ADAD1: variants seen among roughly 807,000 people sequenced by gnomAD.
The protein encoded by ADAD1 is adenosine deaminase domain-containing protein 1.
ADAD1 carries 46 observed loss-of-function variants against 66.8 expected under a neutral mutation model. That is an observed-to-expected ratio of 0.69 (90% CI 0.54 to 0.88). The LOEUF is 0.88. ADAD1 is among the 40% of genes least tolerant of loss of function. The pLI is 0.00. For synonymous variants in ADAD1, 248 were observed against 229.4 expected, an observed-to-expected ratio of 1.08 and a Z score of -0.73; for missense variants, 617 against 681.8, an observed-to-expected ratio of 0.91 and a Z score of 1.06.
chr4:122,411,146 C>A, intron 8 of ADAD1, 76 bp from the exon 9 acceptor site: 1 of 1,171,238 alleles, frequency 8.5e-7, no homozygotes. Context: ...GCTTCTGACA[C>A]ATGTGGACAT....
At chr4:122,411,187 T>G in intron 8 of ADAD1, 35 bp from the exon 9 acceptor site, 1 of 1,494,192 alleles carries the variant, frequency 6.7e-7, no homozygotes, top group Admixed American at 2.1e-5. Flanking sequence ...TTTTATAAAG[T>G]TTATTACTTG....
chr4:122,428,900 T>C (rs1388108640), intron 12 of ADAD1, among the ~76,000 whole-genome samples: 1 of 152,184 alleles, frequency 6.6e-6, no homozygotes, highest in African/African-American at 2.4e-5. Context: ...TTTCATGGTA[T>C]GTAAATTGTA....
chr4:122,395,036 A>G (rs1795630235), intron 6 of ADAD1, among the ~76,000 whole-genome samples: 1 of 152,040 alleles, frequency 6.6e-6, no homozygotes, highest in Admixed American at 6.5e-5. Flanking sequence ...GGTTTGCTAT[A>G]TATATGTGTG....
intron 7 of ADAD1, among the ~76,000 whole-genome samples, chr4:122,402,834 A>T (rs1363807465): frequency 6.6e-6 from 1 of 152,130 alleles, no homozygotes; most frequent in Non-Finnish European, 1.5e-5. Flanking sequence ...TGTCTTTTCC[A>T]GAAGTCATGA....
In ADAD1 at chr4:122,421,227, A is replaced by G. The variant is rs976658331; in HGVS notation, c.1488-34A>G. 10 of 1,478,156 alleles carry G rather than the reference A, an allele frequency of 6.8e-6. No individual in the cohort carries two copies. The African/African-American group carries it at 1.3e-4, about 19-fold the overall frequency. 91.6% of individuals were successfully genotyped at this position (1,478,156 alleles called of 1,614,324 possible). The stretch of plus-strand genomic sequence containing the variant: ...AATTGCCAACATAAATTACTGAAAA[A>G]GAAATTTAAAAAATTTTATTTCTCT... On this transcript the variant is annotated intron_variant, in intron 11 of 12. Coordinates refer to ENST00000296513, the MANE Select transcript of ADAD1 (RefSeq NM_139243.4).
Position 122,412,865 on chromosome 4 carries a change from AT to A in ADAD1, c.1249+60del, listed in dbSNP as rs1796530081. On this transcript the variant is annotated intron_variant, in intron 10 of 12. Coordinates refer to ENST00000296513, the MANE Select transcript of ADAD1 (RefSeq NM_139243.4). ...CTCACTCACTAAGCAAATTCTCTGT[AT>A]TTTACTTATCAGTATAAAATTAGTT... 4.2e-6 allele frequency: 6 copies of A among 1,427,044 alleles called. No homozygotes were observed. The East Asian group carries it at 1.1e-4, about 27-fold the overall frequency. The allele number at this position is 1,427,044 out of a possible 1,614,324, so 88.4% of individuals were successfully genotyped here.
chr4:122,417,598 G>A (rs1362914152), intron 11 of ADAD1, among the ~76,000 whole-genome samples: 1 of 152,124 alleles, frequency 6.6e-6, no homozygotes, highest in East Asian at 1.9e-4. Flanking sequence ...TTCAGTTCAT[G>A]GTAGATCAGG....
chr4:122,397,975 A>G (rs899924094), intron 7 of ADAD1, among the ~76,000 whole-genome samples: 1 of 152,194 alleles, frequency 6.6e-6, no homozygotes. Flanking sequence ...ATGTATTATT[A>G]GAAATTTTGC....
chr4:122,407,651 A>T (rs1796277603), intron 7 of ADAD1, among the ~76,000 whole-genome samples: 2 of 152,230 alleles, frequency 1.3e-5, no homozygotes. Flanking sequence ...TGGTAATTCC[A>T]TTGATCATGG....
At chr4:122,394,542 G>A (rs1251996745) in intron 6 of ADAD1, among the ~76,000 whole-genome samples, 1 of 152,166 alleles carries the variant, frequency 6.6e-6, no homozygotes, top group Non-Finnish European at 1.5e-5. Context: ...TTGTGTGCTT[G>A]CGTGAAGTAA....
At chr4:122,396,205 A>G in intron 6 of ADAD1, 47 bp from the exon 7 acceptor site, 2 of 1,504,502 alleles carry the variant, frequency 1.3e-6, no homozygotes, top group Admixed American at 2.2e-5. Context: ...AGACAGCTCT[A>G]GGAGGAGCAC....
At chr4:122,405,758 A>G (rs1304487751) in intron 7 of ADAD1, among the ~76,000 whole-genome samples, 2 of 152,106 alleles carry the variant, frequency 1.3e-5, no homozygotes, top group East Asian at 1.9e-4. Flanking sequence ...TCTAACCGCT[A>G]GTAACCACCA....
At chr4:122,404,936 T>C (rs6849146) in intron 7 of ADAD1, among the ~76,000 whole-genome samples, 69,041 of 151,938 alleles carry the variant, frequency 0.45, 16,457 homozygotes, top group Middle Eastern at 0.63. Flanking sequence ...TTCCTTCTTT[T>C]GGTTAACTCT....
chr4:122,416,746 A>T (rs1016856667), intron 11 of ADAD1, among the ~76,000 whole-genome samples: 1 of 151,940 alleles, frequency 6.6e-6, no homozygotes, highest in Non-Finnish European at 1.5e-5. Flanking sequence ...AAGGGAAAAA[A>T]AAAAGAAAAA....
At chr4:122,389,131 G>A (rs1224959345) in intron 5 of ADAD1, among the ~76,000 whole-genome samples, 1 of 152,194 alleles carries the variant, frequency 6.6e-6, no homozygotes, top group Admixed American at 6.5e-5. Flanking sequence ...TTACCCAGGA[G>A]TCATTCAGGA....
Position 122,381,071 on chromosome 4 carries a change from G to A in ADAD1, c.252G>A (p.Lys84=). 2 of 1,603,506 alleles carry A rather than the reference G, an allele frequency of 1.2e-6. No individual in the cohort carries two copies. The highest frequency in any genetic ancestry group is 1.7e-6 in the Non-Finnish European group (2 of 1,177,904). Residue 84 remains lysine, a synonymous_variant, in exon 4 of 13, where the codon AAG becomes AAA. Coordinates refer to ENST00000296513, the MANE Select transcript of ADAD1 (RefSeq NM_139243.4). ...NPVLPPKKIP[K]EFIMKYKRGE... ...TCCTTCCTCCAAAAAAAATACCTAA[G>A]GAATTTATAATGAAATACAAACGTG...
chr4:122,415,723 C>A, intron 11 of ADAD1, 107 bp downstream of exon 11: 1 of 967,638 alleles, frequency 1.0e-6, no homozygotes, highest in Non-Finnish European at 1.5e-6. Context: ...GAACTCTGAA[C>A]AATAATTATT....
chr4:122,393,036 A>ATTTT (rs34759757), intron 5 of ADAD1, among the ~76,000 whole-genome samples: 10 of 123,118 alleles, frequency 8.1e-5, no homozygotes, highest in Non-Finnish European at 1.7e-4. Context: ...AATTTTCCTG[A>ATTTT]TTTTTTTTTT....
chr4:122,380,867 C>CT (rs1207433107), intron 3 of ADAD1, 125 bp from the exon 4 acceptor site: 1 of 887,154 alleles, frequency 1.1e-6, no homozygotes, highest in Non-Finnish European at 1.7e-6. Context: ...TTAGTAGAAA[C>CT]TTAAGAAAAA....
Sources: allele counts gnomAD v4.1 joint callset (sites outside exome capture counted in the v4.1 genomes callset), GRCh38; gene constraint gnomAD v4.1.1; transcripts MANE v1.5; gene names NCBI Gene and HGNC (gene_info 2026-07-23, HGNC 2026-07-21).